IL17REL: variants seen among roughly 807,000 people sequenced by gnomAD.
IL17REL encodes the protein interleukin 17 receptor E like.
Under a neutral mutation model 49.0 loss-of-function variants are expected in IL17REL, and 36 were observed. The observed-to-expected ratio is 0.73, with a 90% CI of 0.56 to 0.97. The LOEUF is 0.97. IL17REL is among the 50% of genes least tolerant of loss of function. The probability of loss-of-function intolerance (pLI) is 0.00; values close to 1 mark genes in which losing one functional copy is unlikely to be tolerated. For synonymous variants in IL17REL, 206 were observed against 192.4 expected, an observed-to-expected ratio of 1.07 and a Z score of -0.58; for missense variants, 470 against 453.9, an observed-to-expected ratio of 1.04 and a Z score of -0.32.
chr22:50,011,475 C>T (rs2061141181), upstream of IL17REL, among the ~76,000 whole-genome samples: 1 of 152,060 alleles, frequency 6.6e-6, no homozygotes, highest in South Asian at 2.1e-4. Flanking sequence ...GGCCGCCTCC[C>T]CCCATGTCTC....
chr22:50,009,488 C>T (rs1203803196), upstream of IL17REL, among the ~76,000 whole-genome samples: 3 of 152,206 alleles, frequency 2.0e-5, no homozygotes, highest in Non-Finnish European at 4.4e-5. Flanking sequence ...CACTGGCGCC[C>T]TCAGAGCAGG....
rs766291643 is a variant in IL17REL, at chr22:49,999,304, G to T, written c.588C>A (p.Cys196Ter). The change falls in exon 7 of 13, where the codon TGC (cysteine) becomes TGA (stop). Residue 196 changes from cysteine (C) to a stop codon, truncating the protein, a stop_gained. Transcript: ENST00000341280. LOFTEE classifies it high-confidence loss of function. ...CAGGACACTTGCCGTTTTCAAAGGG[G>T]CAGATCTGGATCCGCACCGCGTCAG... 22 of 1,612,932 alleles carry T rather than the reference G, an allele frequency of 1.4e-5. No homozygotes were observed. Among genetic ancestry groups the T allele is most frequent in the Non-Finnish European group, 1.8e-5 (21 of 1,180,026 alleles).
exon 13 of IL17REL, chr22:49,994,870 T>C (rs1296052819): frequency 2.0e-5 from 3 of 152,410 alleles, no homozygotes; most frequent in Non-Finnish European, 4.4e-5. Context: ...AGGCCACTGC[T>C]GGGCACCCCT....
chr22:50,000,565 C>T, exon 4 of IL17REL: 1 of 1,613,518 alleles, frequency 6.2e-7, no homozygotes, highest in Non-Finnish European at 8.5e-7. Flanking sequence ...GCCACGCTCA[C>T]CGCAAAGCAG....
intron 1 of IL17REL, among the ~76,000 whole-genome samples, chr22:50,006,841 G>T (rs1057310903): frequency 6.6e-6 from 1 of 151,606 alleles, no homozygotes; most frequent in Non-Finnish European, 1.5e-5. Context: ...TGTAATCCCA[G>T]CTACTCAGGA....
upstream of IL17REL, among the ~76,000 whole-genome samples, chr22:50,012,163 C>T (rs1467153288): frequency 6.6e-6 from 1 of 152,294 alleles, no homozygotes; most frequent in Non-Finnish European, 1.5e-5. Context: ...GCACGTTCTC[C>T]GAGTGTTTCC....
intron 5 of IL17REL, 24 bp from the exon 8 acceptor site, chr22:49,999,526 A>T: frequency 8.2e-7 from 1 of 1,221,374 alleles, no homozygotes; most frequent in African/African-American, 1.6e-5. Flanking sequence ...AGGGCGGCTG[A>T]GGGGCCGCGC....
Position 50,001,251 on chromosome 22 carries a change from G to C in IL17REL, c.-41-20C>G. ...TGTTCCCTGGGGAGGGAGAAGGAGCGTGAGGCCTCGAGTTCCCTGGTGCTC... is the reference window on the plus strand; with the variant it reads ...TGTTCCCTGGGGAGGGAGAAGGAGCCTGAGGCCTCGAGTTCCCTGGTGCTC... On this transcript the variant is annotated intron_variant, in intron 1 of 12. Transcript: ENST00000341280. The C allele has an allele frequency of 9.2e-7, 1 of 1,084,186 alleles. No homozygotes were observed. Among genetic ancestry groups the C allele is most frequent in the Non-Finnish European group, 1.4e-6 (1 of 727,590 alleles). 67.2% of individuals were successfully genotyped at this position (1,084,186 alleles called of 1,614,324 possible).
At chr22:50,010,727 C>T (rs1462020022), upstream of IL17REL, among the ~76,000 whole-genome samples, 6 of 151,922 alleles carry the variant, frequency 3.9e-5, no homozygotes, top group Non-Finnish European at 8.8e-5. Context: ...CTGTCGGGGG[C>T]GCGGAACGTC....
At chr22:50,011,952 C>T (rs2061143516), upstream of IL17REL, among the ~76,000 whole-genome samples, 1 of 152,242 alleles carries the variant, frequency 6.6e-6, no homozygotes, top group South Asian at 2.1e-4. Context: ...TTCCGGGACA[C>T]CTTCTGTGCC....
intron 1 of IL17REL, among the ~76,000 whole-genome samples, chr22:50,001,532 G>A (rs1306649500): frequency 6.6e-6 from 1 of 152,216 alleles, no homozygotes; most frequent in Non-Finnish European, 1.5e-5. Flanking sequence ...AAGGGGGCAG[G>A]AAGCCCACCA....
At chr22:49,999,710 G>T in intron 5 of IL17REL, 118 bp downstream of exon 7, 3 of 512,796 alleles carry the variant, frequency 5.9e-6, no homozygotes, top group Non-Finnish European at 7.7e-6. Flanking sequence ...CTGGCCGGGG[G>T]CGGGGCGCGG....
chr22:50,007,373 T>C (rs1480522344), intron 1 of IL17REL, among the ~76,000 whole-genome samples: 2 of 152,084 alleles, frequency 1.3e-5, no homozygotes, highest in Non-Finnish European at 2.9e-5. Context: ...TTTTATTTGT[T>C]TATTTATGTT....
intron 1 of IL17REL, among the ~76,000 whole-genome samples, chr22:50,004,800 A>G (rs1241851921): frequency 2.0e-5 from 3 of 151,186 alleles, no homozygotes; most frequent in Non-Finnish European, 4.4e-5. Context: ...TGCAGTGAGA[A>G]GAGATCATGC....
intron 9 of IL17REL, 30 bp from the exon 12 acceptor site, chr22:49,997,772 G>T: frequency 6.2e-7 from 1 of 1,609,724 alleles, no homozygotes; most frequent in Non-Finnish European, 8.5e-7. Flanking sequence ...GTGCAGGAGG[G>T]TGGAGTGTGT....
intron 5 of IL17REL, 112 bp downstream of exon 7, chr22:49,999,709 GGCGGGGC>G: frequency 3.6e-6 from 2 of 555,328 alleles, no homozygotes; most frequent in Non-Finnish European, 4.8e-6. Flanking sequence ...CCTGGCCGGG[GGCGGGGC>G]GCGGGGGGTG....
At chr22:49,996,912 T>C in intron 12 of IL17REL, 52 bp from the exon 15 acceptor site, 1 of 665,640 alleles carries the variant, frequency 1.5e-6, no homozygotes. Context: ...CCCCCGGGGA[T>C]GGGGGATGGG....
At chr22:50,011,804 C>T (rs372364652), upstream of IL17REL, among the ~76,000 whole-genome samples, 3 of 152,232 alleles carry the variant, frequency 2.0e-5, no homozygotes, top group Admixed American at 1.3e-4. Context: ...GGACCCGTCT[C>T]AGGCCCTGTG....
chr22:49,999,268 C>T (rs374689248), intron 7 of IL17REL, 23 bp downstream of exon 9: 12 of 1,612,762 alleles, frequency 7.4e-6, no homozygotes, highest in African/African-American at 4.0e-5. Flanking sequence ...CCCTTCCGCC[C>T]GTTGGCATCG....
Sources: gnomAD v4.1 joint callset for allele counts (sites outside exome capture counted in the v4.1 genomes callset) on GRCh38, gnomAD v4.1.1 for gene constraint, MANE v1.5 for transcripts, NCBI Gene and HGNC (gene_info 2026-07-23, HGNC 2026-07-21) for gene names.